SORCS2: variants seen among roughly 807,000 people sequenced by gnomAD.
SORCS2 encodes the protein sortilin related VPS10 domain containing receptor 2, also known as VPS10 domain-containing receptor SorCS2.
A neutral mutation model predicts 141.6 loss-of-function variants in SORCS2; 100 were observed. The observed-to-expected ratio is 0.71, with a 90% CI of 0.60 to 0.83. The LOEUF (loss-of-function observed/expected upper bound fraction) is 0.83, where lower values mean the gene tolerates loss of function less well. Among genes scored for constraint, SORCS2 ranks in the 40% least tolerant of loss-of-function variants. SORCS2 has a pLI of 0.00. For synonymous variants in SORCS2, 789 were observed against 676.9 expected (o/e 1.17, Z -2.57); for missense variants, 1,646 against 1,560.2 (o/e 1.05, Z -0.93).
rs75891318 is a variant in SORCS2 at position 7,520,129 on chromosome 4, T to G, written c.549-11401T>G. On this transcript the variant is annotated intron_variant, in intron 2 of 26. Coordinates refer to ENST00000507866, the MANE Select transcript of SORCS2 (RefSeq NM_020777.3). Reference sequence around the variant, plus strand: ...ACCAGGGTGGACTCACTTCCCAGTTTGAGCCACTCGTACAGTTGCACGGCA... The same window carrying G: ...ACCAGGGTGGACTCACTTCCCAGTTGGAGCCACTCGTACAGTTGCACGGCA... 8.4e-3 allele frequency among the ~76,000 whole-genome samples: 1,277 copies of G among 152,294 alleles called. 18 individuals carry two copies. The highest frequency in any genetic ancestry group is 0.029 in the African/African-American group (1,206 of 41,572).
At chr4:7,449,661 A>G (rs908148047) in intron 2 of SORCS2, among the ~76,000 whole-genome samples, 12 of 151,804 alleles carry the variant, frequency 7.9e-5, no homozygotes, top group Admixed American at 2.0e-4. Context: ...GGCTCTGTGC[A>G]AGGTCCTCCG....
At chr4:7,724,901 GTGATAGTAT>G (rs1727069394) in intron 19 of SORCS2, among the ~76,000 whole-genome samples, 2 of 76,872 alleles carry the variant, frequency 2.6e-5, no homozygotes, top group African/African-American at 5.0e-5. Context: ...GGTGATGGTG[GTGATAGTAT>G]TGGTGGGAAT....
chr4:7,396,415 C>G, intron 2 of SORCS2, 60 bp downstream of exon 2: 5 of 1,571,762 alleles, frequency 3.2e-6, no homozygotes, highest in Non-Finnish European at 4.4e-6. Context: ...TTCCCAGGCT[C>G]TCAGCTGAGG....
intron 10 of SORCS2, among the ~76,000 whole-genome samples, chr4:7,689,012 G>T (rs945454437): frequency 6.6e-6 from 1 of 152,180 alleles, no homozygotes; most frequent in Admixed American, 6.5e-5. Context: ...TCCCAATAAA[G>T]GTTCTGGGTA....
In SORCS2 at chr4:7,416,502, G is replaced by A. The variant is rs552855033; in HGVS notation, c.548+20147G>A. Among the ~76,000 whole-genome samples the A allele has an allele frequency of 1.1e-4, 16 of 151,900 alleles. No homozygotes were observed. In the East Asian group the frequency reaches 2.7e-3, roughly 26 times the overall value. ...CACTCATGCACGCTCACACAGACAC[G>A]CACGCTTCCTCCTCCATACTGACAC... On this transcript the variant is annotated intron_variant, in intron 2 of 26. Coordinates refer to ENST00000507866, the MANE Select transcript of SORCS2 (RefSeq NM_020777.3).
At chr4:7,382,057 A>G in intron 1 of SORCS2, 1 of 885,090 alleles carries the variant, frequency 1.1e-6, no homozygotes, top group Non-Finnish European at 1.4e-6. Flanking sequence ...TCGTTCGGGA[A>G]AGGCCCAGGC....
At chr4:7,534,620 G>A (rs1469699033) in intron 3 of SORCS2, among the ~76,000 whole-genome samples, 3 of 152,230 alleles carry the variant, frequency 2.0e-5, no homozygotes, top group Admixed American at 6.5e-5. Flanking sequence ...CTTGTGGAGG[G>A]CAGCAGGAGG....
At position 7,723,684 on chromosome 4, in the gene SORCS2, T is replaced by C. The variant is rs1342032530; in HGVS notation, c.2425-13T>C. ...GGCCCACTCCTGAGTGGCCACATGG[T>C]GTTTCTCTGCAGGGTGATGTCCTGA... On this transcript the variant is annotated splice_polypyrimidine_tract_variant and intron_variant, in intron 18 of 26. Transcript: ENST00000507866. 6.2e-7 allele frequency: 1 copy of C among 1,613,620 alleles called. No homozygotes were observed. Among genetic ancestry groups the C allele is most frequent in the Non-Finnish European group, 8.5e-7 (1 of 1,179,778 alleles).
At chr4:7,351,133 G>A in intron 1 of SORCS2, among the ~76,000 whole-genome samples, 1 of 152,172 alleles carries the variant, frequency 6.6e-6, no homozygotes, top group African/African-American at 2.4e-5. Flanking sequence ...TAGCCCCTCA[G>A]CCCCTTGCCC....
At chr4:7,553,490 C>T (rs1219234612) in intron 3 of SORCS2, among the ~76,000 whole-genome samples, 2 of 152,228 alleles carry the variant, frequency 1.3e-5, no homozygotes, top group Non-Finnish European at 2.9e-5. Context: ...GCTAAGCTGT[C>T]ATCTGCAGAC....
Position 7,741,618 on chromosome 4 carries a change from TGAG to T in SORCS2, c.*1356_*1358del, listed in dbSNP as rs1712685426. ...TGTGCTGGCTGGGGGTGAATCCCAATGAGGGTCCCTCTCAGAGCGGGAGAACGC... is the reference window on the plus strand; with the variant it reads ...TGTGCTGGCTGGGGGTGAATCCCAATGGTCCCTCTCAGAGCGGGAGAACGC... On this transcript the variant is annotated 3_prime_UTR_variant, in exon 27 of 27. Transcript: ENST00000507866. The T allele has an allele frequency of 5.5e-6, 1 of 182,550 alleles. No homozygotes were observed. The highest frequency in any genetic ancestry group is 2.2e-4 in the South Asian group (1 of 4,498). 11.3% of individuals were successfully genotyped at this position (182,550 alleles called of 1,614,324 possible).
intron 19 of SORCS2, among the ~76,000 whole-genome samples, chr4:7,724,142 A>ATAGTGGTGGTGATGGTGG (rs1560112934): frequency 4.0e-5 from 4 of 99,316 alleles, no homozygotes; most frequent in African/African-American, 1.7e-4. Context: ...GGTGGTGGTG[A>ATAGTGGTGGTGATGGTGG]TGGTCGTGGT....
chr4:7,478,591 C>G (rs73088061), intron 2 of SORCS2, among the ~76,000 whole-genome samples: 2,996 of 152,320 alleles, frequency 0.02, 100 homozygotes, highest in African/African-American at 0.069. Context: ...GCAGCCCCCA[C>G]TGCCTTTTCC....
rs540962429 is a variant in SORCS2 at position 7,666,258 on chromosome 4, G to A, written c.1072-866G>A. On this transcript the variant is annotated intron_variant, in intron 7 of 26. Coordinates refer to ENST00000507866, the MANE Select transcript of SORCS2 (RefSeq NM_020777.3). ...GTCTGGTCTGTGTTCAGACCCGATCGCAGGGTGGTCTCGTTCTGCACAAGG... is the reference window on the plus strand; with the variant it reads ...GTCTGGTCTGTGTTCAGACCCGATCACAGGGTGGTCTCGTTCTGCACAAGG... Among the ~76,000 whole-genome samples the A allele has an allele frequency of 2.2e-4, 34 of 152,264 alleles. No individual in the cohort carries two copies. In the Middle Eastern group the frequency reaches 0.01, roughly 46 times the overall value.
intron 2 of SORCS2, among the ~76,000 whole-genome samples, chr4:7,413,035 C>G (rs1468621782): frequency 6.6e-6 from 1 of 152,110 alleles, no homozygotes; most frequent in East Asian, 1.9e-4. Context: ...TTAACCGCCT[C>G]CCATTTCCTC....
intron 1 of SORCS2, among the ~76,000 whole-genome samples, chr4:7,362,647 G>T (rs982753689): frequency 6.6e-6 from 1 of 151,956 alleles, no homozygotes; most frequent in Non-Finnish European, 1.5e-5. Context: ...GGCTGACTTT[G>T]CCTGTGGCAG....
chr4:7,434,904 A>T, intron 2 of SORCS2: 1 of 1,521,080 alleles, frequency 6.6e-7, no homozygotes, highest in South Asian at 1.3e-5. Flanking sequence ...CTCTGGCTCC[A>T]GAGTACCCAG....
Position 7,192,680 on chromosome 4 carries a change from G to A in SORCS2, c.34G>A (p.Gly12Ser). 5 of 988,422 alleles carry A rather than the reference G, an allele frequency of 5.1e-6. No homozygotes were observed. The highest frequency in any genetic ancestry group is 4.8e-6 in the Non-Finnish European group (4 of 833,284). 61.2% of individuals were successfully genotyped at this position (988,422 alleles called of 1,614,324 possible). ...CCGGGGGCCCTCGCGCGCCTCGAAG[G>A]GCCCCGGCCCCACCGCCCGAGCCCC... is the stretch of plus-strand genomic sequence containing the variant. ...AHRGPSRASKGPGPTARAPSP... is the reference protein window; with the variant it reads ...AHRGPSRASKSPGPTARAPSP... Residue 12 changes from glycine to serine, a missense_variant, in exon 1 of 27, where the codon GGC becomes AGC. By Grantham distance (56) the Gly-to-Ser change is moderately conservative. Coordinates refer to ENST00000507866, the MANE Select transcript of SORCS2 (RefSeq NM_020777.3). The surrounding 1 kb of genome is among the most constrained non-coding windows in gnomAD (Gnocchi z 4.0).
chr4:7,339,122 G>C (rs984646231), intron 1 of SORCS2, among the ~76,000 whole-genome samples: 6 of 152,222 alleles, frequency 3.9e-5, no homozygotes, highest in African/African-American at 1.4e-4. Context: ...ACTGTGGCCC[G>C]TGAGGGTGGG....
Sources: allele counts gnomAD v4.1 joint callset (sites outside exome capture counted in the v4.1 genomes callset), GRCh38; gene constraint gnomAD v4.1.1; non-coding constraint Gnocchi (gnomAD v3.1); transcripts MANE v1.5; gene names NCBI Gene and HGNC (gene_info 2026-07-23, HGNC 2026-07-21).